The following REEP1 variants were observed in gnomAD, a reference collection of about 807,000 sequenced individuals.
REEP1 encodes receptor accessory protein 1, also known as receptor expression-enhancing protein 1.
In REEP1, 22 loss-of-function variants were observed where a neutral mutation model predicts 40.3. That is an observed-to-expected ratio of 0.55 (90% CI 0.39 to 0.78). The LOEUF is 0.78. Ranked by LOEUF, REEP1 falls within the 30% of genes least tolerant of loss-of-function variation. The pLI, the probability that REEP1 is intolerant of heterozygous loss-of-function variation, is 0.00. For missense variants in REEP1, 280 were observed against 361.1 expected (o/e 0.78, Z 1.82); for synonymous variants, 116 against 139.2 (o/e 0.83, Z 1.17).
chr2:86,214,072 G>C lies in REEP1; in HGVS notation c.*2967C>G, dbSNP rs1351975670. Reference sequence around the variant, plus strand: ...ACAAAACAGCAGAACTTCAACCTTTGGAATACTGTAATTTTACATCCCTTT... The same window carrying C: ...ACAAAACAGCAGAACTTCAACCTTTCGAATACTGTAATTTTACATCCCTTT... On this transcript the variant is annotated 3_prime_UTR_variant, in exon 9 of 9. Coordinates refer to ENST00000538924, the MANE Select transcript of REEP1 (RefSeq NM_001371279.1). The C allele has an allele frequency of 3.7e-5, 7 of 188,204 alleles. No homozygotes were observed. 11.7% of individuals were successfully genotyped at this position (188,204 alleles called of 1,614,324 possible).
chr2:86,275,772 C>G (rs1677726023), intron 2 of REEP1, among the ~76,000 whole-genome samples: 2 of 152,202 alleles, frequency 1.3e-5, no homozygotes, highest in Non-Finnish European at 2.9e-5. Context: ...CTTCTTCCTT[C>G]ATGACAGTCA....
Position 86,291,761 on chromosome 2 carries a change from T to C in REEP1, c.33-9519A>G, listed in dbSNP as rs34129746. ...TCCCTGGCCATTCCCCGTTCCATAC[T>C]GCCTTTCTTAGCATGAAGAGGCAGT... On this transcript the variant is annotated intron_variant, in intron 1 of 8. Coordinates refer to ENST00000538924, the MANE Select transcript of REEP1 (RefSeq NM_001371279.1). 5.3e-4 allele frequency among the ~76,000 whole-genome samples: 81 copies of C among 152,336 alleles called. 1 individual carries two copies. The highest frequency in any genetic ancestry group is 9.8e-4 in the Non-Finnish European group (67 of 68,034).
chr2:86,227,846 T>C (rs1483811455), intron 6 of REEP1, among the ~76,000 whole-genome samples: 3 of 108,410 alleles, frequency 2.8e-5, no homozygotes, highest in African/African-American at 8.4e-5. Context: ...GCCATTGGTC[T>C]TGGTGCACAT....
At chr2:86,230,812 C>T (rs1026038699) in intron 6 of REEP1, among the ~76,000 whole-genome samples, 9 of 152,050 alleles carry the variant, frequency 5.9e-5, no homozygotes, top group African/African-American at 1.7e-4. Flanking sequence ...CCGGGTCATG[C>T]GGCGAGCAAG....
chr2:86,270,283 T>G (rs11674249), intron 2 of REEP1, among the ~76,000 whole-genome samples: 74,540 of 151,970 alleles, frequency 0.49, 18,400 homozygotes, highest in East Asian at 0.65. Context: ...CGTAACCTCC[T>G]CCTCCCAGGC....
chr2:86,305,987 A>G (rs533938366), intron 1 of REEP1, among the ~76,000 whole-genome samples: 1 of 152,350 alleles, frequency 6.6e-6, no homozygotes, highest in African/African-American at 2.4e-5. Context: ...ATATTGGAGT[A>G]AAGTCTTATG....
In REEP1 at chr2:86,232,634, T is replaced by C. The variant is rs1675086716; in HGVS notation, c.586A>G (p.Ser196Gly). The C allele has an allele frequency of 6.2e-7, 1 of 1,612,922 alleles. No individual in the cohort carries two copies. The highest frequency in any genetic ancestry group is 8.5e-7 in the Non-Finnish European group (1 of 1,179,976). Residue 196 changes from serine to glycine, a missense_variant, in exon 6 of 9, where the codon AGC becomes GGC. Physicochemically the swap from Ser to Gly is moderately conservative, Grantham distance 56. Transcript: ENST00000538924. The part of the protein sequence containing the change: ...KMSRSASESA[S>G]SSVCTCCSTC... Reference sequence around the variant, plus strand: ...GTAAAGTGACACCTACCTGAGCTGCTAGCGCTCTCAGAAGCACTCCTGGAC... The same window carrying C: ...GTAAAGTGACACCTACCTGAGCTGCCAGCGCTCTCAGAAGCACTCCTGGAC...
chr2:86,235,481 T>C (rs1675267856), intron 5 of REEP1, among the ~76,000 whole-genome samples: 1 of 152,238 alleles, frequency 6.6e-6, no homozygotes, highest in Admixed American at 6.5e-5. Flanking sequence ...ATGTTGATGC[T>C]GTGGCTACTG....
At chr2:86,235,378 T>TG (rs1553458822) in intron 5 of REEP1, among the ~76,000 whole-genome samples, 1 of 152,180 alleles carries the variant, frequency 6.6e-6, no homozygotes, top group Non-Finnish European at 1.5e-5. Context: ...GGCCGGCTGC[T>TG]CGTGCGGATT....
intron 1 of REEP1, among the ~76,000 whole-genome samples, chr2:86,315,900 G>A (rs1679980663): frequency 6.6e-6 from 1 of 152,288 alleles, no homozygotes; most frequent in East Asian, 1.9e-4. Flanking sequence ...GAGAGCTAAA[G>A]GCTTGCTAGG....
At chr2:86,220,544 G>A (rs1411559474) in intron 7 of REEP1, among the ~76,000 whole-genome samples, 1 of 152,200 alleles carries the variant, frequency 6.6e-6, no homozygotes, top group East Asian at 1.9e-4. Flanking sequence ...CAGTGATGTG[G>A]GGTGGGGTGG....
At chr2:86,313,190 G>GA (rs1679842962) in intron 1 of REEP1, among the ~76,000 whole-genome samples, 1 of 151,950 alleles carries the variant, frequency 6.6e-6, no homozygotes, top group Non-Finnish European at 1.5e-5. Context: ...GCTCACTGCA[G>GA]CCTCAACCAC....
rs1681101589 is a variant in REEP1 at position 86,337,429 on chromosome 2, G to A, written c.32+50C>T. 2 of 1,182,722 alleles carry A rather than the reference G, an allele frequency of 1.7e-6. No homozygotes were observed. Among genetic ancestry groups the A allele is most frequent in the African/African-American group, 1.6e-5 (1 of 61,982 alleles). 73.3% of individuals were successfully genotyped at this position (1,182,722 alleles called of 1,614,324 possible). A position where few individuals can be genotyped will look rare whatever the true frequency, so the allele number is the denominator to read the frequency against. ...GTAGGGGCGCGCGCAGCCCGGGGCC[G>A]GGGGCGGGGAGGGAGGGGACGGAGG... On this transcript the variant is annotated intron_variant, in intron 1 of 8. Coordinates refer to ENST00000538924, the MANE Select transcript of REEP1 (RefSeq NM_001371279.1). This position sits in a 1 kb window ranked among gnomAD's most constrained non-coding sequence, Gnocchi z 5.8.
At position 86,215,160 on chromosome 2, in the gene REEP1, TCTTC is replaced by T. The variant is rs1214708459; in HGVS notation, c.*1875_*1878del. On this transcript the variant is annotated 3_prime_UTR_variant, in exon 9 of 9. Coordinates refer to ENST00000538924, the MANE Select transcript of REEP1 (RefSeq NM_001371279.1). ...ATGAGCACAAAGAAAACATTTTCTG[TCTTC>T]CTTAACAGATTTAGGTATTGGTGGG... The T allele has an allele frequency of 2.0e-5, 3 of 152,146 alleles. No individual in the cohort carries two copies. Among genetic ancestry groups the T allele is most frequent in the South Asian group, 2.1e-4 (1 of 4,836 alleles). The allele number at this position is 152,146 out of a possible 1,614,324, so 9.4% of individuals were successfully genotyped here. A position where few individuals can be genotyped will look rare whatever the true frequency, so the allele number is the denominator to read the frequency against.
rs1451113545 is a variant in REEP1, at chr2:86,214,862, T to C, written c.*2177A>G. 1 of 152,616 alleles carries C rather than the reference T, an allele frequency of 6.6e-6. No individual in the cohort carries two copies. The highest frequency in any genetic ancestry group is 1.5e-5 in the Non-Finnish European group (1 of 68,030). The allele number at this position is 152,616 out of a possible 1,614,324, so 9.5% of individuals were successfully genotyped here. The stretch of plus-strand genomic sequence containing the variant: ...CTGAGAATAGAGCGCTTCAAACTTT[T>C]TTTGGCATAGTTAAGTGCAAACTTG... On this transcript the variant is annotated 3_prime_UTR_variant, in exon 9 of 9. Coordinates refer to ENST00000538924, the MANE Select transcript of REEP1 (RefSeq NM_001371279.1).
At chr2:86,335,756 G>A (rs1230503407) in intron 1 of REEP1, among the ~76,000 whole-genome samples, 1 of 150,804 alleles carries the variant, frequency 6.6e-6, no homozygotes, top group Non-Finnish European at 1.5e-5. Flanking sequence ...GGCTGAGGCA[G>A]GAGAATCGCT....
At chr2:86,226,272 C>G (rs1395996508) in intron 7 of REEP1, among the ~76,000 whole-genome samples, 2 of 152,112 alleles carry the variant, frequency 1.3e-5, no homozygotes, top group Non-Finnish European at 2.9e-5. Context: ...CTGAAGCTCA[C>G]AGCGGTTAGG....
chr2:86,337,634 C>T, upstream of REEP1: 2 of 1,085,134 alleles, frequency 1.8e-6, no homozygotes, highest in South Asian at 4.4e-5. This position sits in a 1 kb window ranked among gnomAD's most constrained non-coding sequence, Gnocchi z 5.8. Flanking sequence ...ACTGAGCGCG[C>T]CCGCCGCCCT....
intron 8 of REEP1, among the ~76,000 whole-genome samples, chr2:86,219,451 C>CTTTTTTTTTTT: frequency 7.7e-6 from 1 of 129,978 alleles, no homozygotes; most frequent in Non-Finnish European, 1.6e-5. Flanking sequence ...TTTTTCTTTT[C>CTTTTTTTTTTT]TTTTTTTTTT....
Sources: allele counts gnomAD v4.1 joint callset (sites outside exome capture counted in the v4.1 genomes callset), GRCh38; gene constraint gnomAD v4.1.1; non-coding constraint Gnocchi (gnomAD v3.1); transcripts MANE v1.5; gene names NCBI Gene and HGNC (gene_info 2026-07-23, HGNC 2026-07-21).